The following RGS6 variants were observed in gnomAD, a reference collection of about 807,000 sequenced individuals.
RGS6 encodes regulator of G protein signaling 6, also known as regulator of G-protein signaling 6.
A neutral mutation model predicts 78.5 loss-of-function variants in RGS6; 30 were observed. That is an observed-to-expected ratio of 0.38 (90% CI 0.29 to 0.52). RGS6 has a LOEUF of 0.52. RGS6 is among the 20% of genes least tolerant of loss of function. The pLI, the probability that RGS6 is intolerant of heterozygous loss-of-function variation, is 0.85. For synonymous variants in RGS6, 206 were observed against 206.0 expected, an observed-to-expected ratio of 1.00 and a Z score of 0.00; for missense variants, 495 against 609.7, an observed-to-expected ratio of 0.81 and a Z score of 1.98.
chr14:72,261,709 G>A (rs1194917779), intron 2 of RGS6, among the ~76,000 whole-genome samples: 1 of 152,134 alleles, frequency 6.6e-6, no homozygotes, highest in African/African-American at 2.4e-5. Flanking sequence ...ACCTTCTCTT[G>A]CCATCTTCTG....
intron 2 of RGS6, among the ~76,000 whole-genome samples, chr14:72,339,726 C>T (rs2076647734): frequency 1.3e-5 from 2 of 152,132 alleles, no homozygotes; most frequent in Admixed American, 6.5e-5. Context: ...CTTGGAAAGG[C>T]ACTCATGAAA....
chr14:72,110,799 C>T (rs2095742992), intron 2 of RGS6, among the ~76,000 whole-genome samples: 1 of 152,174 alleles, frequency 6.6e-6, no homozygotes, highest in South Asian at 2.1e-4. Context: ...ACAAGTGTCA[C>T]AAGGACCATG....
chr14:72,489,791 G>C (rs573864289), intron 12 of RGS6, among the ~76,000 whole-genome samples: 49 of 152,312 alleles, frequency 3.2e-4, no homozygotes, highest in African/African-American at 1.2e-3. Flanking sequence ...TCGGAGGGAG[G>C]ATGGCCCTGC....
intron 8 of RGS6, among the ~76,000 whole-genome samples, chr14:72,470,899 A>T (rs2096061539): frequency 6.7e-6 from 1 of 148,600 alleles, no homozygotes; most frequent in Non-Finnish European, 1.5e-5. Flanking sequence ...AAAAAAAAAC[A>T]AGATTATAGG....
chr14:72,431,802 T>A (rs754001133), intron 3 of RGS6, among the ~76,000 whole-genome samples: 2 of 152,266 alleles, frequency 1.3e-5, no homozygotes, highest in African/African-American at 4.8e-5. Flanking sequence ...TCTCGCTGGA[T>A]CTCCCAGTGG....
In RGS6 at chr14:72,474,643, A is replaced by G. The variant is rs773765605; in HGVS notation, c.637A>G (p.Thr213Ala). 6.2e-7 allele frequency: 1 copy of G among 1,613,566 alleles called. No homozygotes were observed. Among genetic ancestry groups the G allele is most frequent in the East Asian group, 2.2e-5 (1 of 44,872 alleles). Residue 213 changes from threonine (T) to alanine (A), a missense_variant, in exon 10 of 18, where the codon ACA (threonine) becomes GCA (alanine). Thr to Ala is a moderately conservative substitution (Grantham distance 58). Coordinates refer to ENST00000553525, the MANE Select transcript of RGS6 (RefSeq NM_001204424.2). ...TTCTCAGCCAGGCTGTGTGAACACA[A>G]CAGAAATGGATATCCGAAAATGTCG... is the stretch of plus-strand genomic sequence containing the variant. The part of the protein sequence containing the change: ...HRPVPGCVNT[T>A]EMDIRKCRRL...
At chr14:72,547,089 G>A in intron 17 of RGS6, 3 of 1,317,798 alleles carry the variant, frequency 2.3e-6, no homozygotes, top group Non-Finnish European at 3.1e-6. Flanking sequence ...GGGGAGTGCA[G>A]GGCCCCCCGC....
chr14:72,513,283 AGT>A (rs1169398467), intron 14 of RGS6, among the ~76,000 whole-genome samples: 1 of 152,152 alleles, frequency 6.6e-6, no homozygotes, highest in Non-Finnish European at 1.5e-5. Flanking sequence ...GGAGCCCCAA[AGT>A]GTCACCCTGG....
chr14:72,369,049 TCACA>T (rs150507935), intron 3 of RGS6, among the ~76,000 whole-genome samples: 1 of 151,552 alleles, frequency 6.6e-6, no homozygotes, highest in Admixed American at 6.6e-5. Flanking sequence ...GAAAAAAAAA[TCACA>T]CACACACACA....
At chr14:72,289,489 C>A (rs1477752278) in intron 2 of RGS6, among the ~76,000 whole-genome samples, 1 of 152,172 alleles carries the variant, frequency 6.6e-6, no homozygotes, top group Admixed American at 6.5e-5. Context: ...TCCTGAGCAA[C>A]ACAGCTAAGT....
At chr14:72,326,397 G>A (rs910592226) in intron 2 of RGS6, among the ~76,000 whole-genome samples, 2 of 152,174 alleles carry the variant, frequency 1.3e-5, no homozygotes, top group African/African-American at 4.8e-5. Context: ...CAAATCACAT[G>A]ATGAAATGTA....
intron 12 of RGS6, among the ~76,000 whole-genome samples, chr14:72,484,368 AC>A (rs2096448128): frequency 6.6e-6 from 1 of 151,950 alleles, no homozygotes; most frequent in African/African-American, 2.4e-5. Flanking sequence ...GCCATACTTC[AC>A]TGTCCCTTTT....
chr14:72,211,630 T>C (rs1315018810), intron 2 of RGS6, among the ~76,000 whole-genome samples: 2 of 152,140 alleles, frequency 1.3e-5, no homozygotes, highest in Non-Finnish European at 1.5e-5. Flanking sequence ...GAAAATATAA[T>C]AGAATAGATA....
chr14:72,217,933 A>G (rs934500490), intron 2 of RGS6, among the ~76,000 whole-genome samples: 11 of 152,200 alleles, frequency 7.2e-5, no homozygotes, highest in Non-Finnish European at 1.5e-4. Context: ...ACCCACATAC[A>G]TATGTGTGTC....
intron 2 of RGS6, among the ~76,000 whole-genome samples, chr14:72,292,649 G>C (rs1266838282): frequency 2.6e-5 from 4 of 152,160 alleles, no homozygotes; most frequent in Admixed American, 2.0e-4. Flanking sequence ...TGTTCTCCTT[G>C]AGTAATTCTT....
At chr14:71,890,837 C>G in the RGS6 span, among the ~76,000 whole-genome samples, 2 of 152,194 alleles carry the variant, frequency 1.3e-5, no homozygotes, top group East Asian at 3.8e-4. Flanking sequence ...GGACTCCATT[C>G]AGCTTGGGAT....
At chr14:71,919,578 A>T in the RGS6 span, among the ~76,000 whole-genome samples, 3 of 152,156 alleles carry the variant, frequency 2.0e-5, no homozygotes, top group Non-Finnish European at 4.4e-5. Context: ...ACGTCCATAG[A>T]CACTCCTCTC....
intron 2 of RGS6, among the ~76,000 whole-genome samples, chr14:71,987,437 A>G (rs1475805516): frequency 1.3e-5 from 2 of 152,212 alleles, no homozygotes; most frequent in African/African-American, 4.8e-5. Flanking sequence ...CCAAGCAGAT[A>G]CATTCAAAAT....
chr14:72,373,553 T>C (rs2083960326), intron 3 of RGS6, among the ~76,000 whole-genome samples: 1 of 152,198 alleles, frequency 6.6e-6, no homozygotes, highest in Non-Finnish European at 1.5e-5. Context: ...TAAAAGCCTA[T>C]ATGAGTATCA....
Sources: gnomAD v4.1 joint callset for allele counts (sites outside exome capture counted in the v4.1 genomes callset) on GRCh38, gnomAD v4.1.1 for gene constraint, MANE v1.5 for transcripts, NCBI Gene and HGNC (gene_info 2026-07-23, HGNC 2026-07-21) for gene names.